Variants in TLK2 observed in about 807,000 individuals in gnomAD.
The protein encoded by TLK2 is tousled like kinase 2.
TLK2 carries 6 observed loss-of-function variants against 117.3 expected under a neutral mutation model. The observed-to-expected ratio is 0.05, with a 90% CI of 0.03 to 0.10. TLK2 has a LOEUF of 0.10. Ranked by LOEUF, TLK2 falls within the 10% of genes least tolerant of loss-of-function variation. The pLI, the probability that TLK2 is intolerant of heterozygous loss-of-function variation, is 1.00. For missense variants in TLK2, 299 were observed against 901.2 expected (o/e 0.33, Z 8.56); for synonymous variants, 257 against 316.7 (o/e 0.81, Z 2.00).
intron 2 of TLK2, among the ~76,000 whole-genome samples, chr17:62,504,528 G>T (rs1262814630): frequency 1.3e-5 from 2 of 152,166 alleles, no homozygotes; most frequent in Non-Finnish European, 2.9e-5. Flanking sequence ...TTTAGGCAGG[G>T]CATGGTGGCT....
chr17:62,535,487 C>A (rs953788403), intron 6 of TLK2, among the ~76,000 whole-genome samples: 2 of 152,040 alleles, frequency 1.3e-5, no homozygotes, highest in Non-Finnish European at 2.9e-5. Context: ...ACGTGACAGG[C>A]CAGGCACGGT....
At chr17:62,612,090 T>G in intron 21 of TLK2, 2 of 207,818 alleles carry the variant, frequency 9.6e-6, no homozygotes. Flanking sequence ...TTTTTTTCTG[T>G]TGGTCTTAGT....
chr17:62,569,755 T>G (rs2080123018), intron 11 of TLK2, among the ~76,000 whole-genome samples: 1 of 152,174 alleles, frequency 6.6e-6, no homozygotes, highest in African/African-American at 2.4e-5. Flanking sequence ...TTACTACTAG[T>G]TACTTCTTGT....
intron 2 of TLK2, among the ~76,000 whole-genome samples, chr17:62,517,191 C>A (rs2075668710): frequency 6.6e-6 from 1 of 152,174 alleles, no homozygotes; most frequent in Non-Finnish European, 1.5e-5. Flanking sequence ...AGGCGTGAGC[C>A]ACCATGCCAG....
At chr17:62,480,574 C>A (rs139355991) in intron 1 of TLK2, among the ~76,000 whole-genome samples, 1 of 152,130 alleles carries the variant, frequency 6.6e-6, no homozygotes, top group Non-Finnish European at 1.5e-5. Context: ...TAAAATAATT[C>A]CTTTTCTCAT....
At chr17:62,561,127 C>T (rs1412230299) in intron 10 of TLK2, among the ~76,000 whole-genome samples, 2 of 152,142 alleles carry the variant, frequency 1.3e-5, no homozygotes, top group South Asian at 4.1e-4. Context: ...TGGTTTCCAG[C>T]TTCATCCATG....
At chr17:62,552,662 C>CT (rs77695614) in intron 8 of TLK2, among the ~76,000 whole-genome samples, 2,943 of 139,194 alleles carry the variant, frequency 0.021, 70 homozygotes, top group African/African-American at 0.057. Context: ...AACTGCACAC[C>CT]TTTTTTTTTT....
At chr17:62,592,076 T>C (rs1235320496) in intron 16 of TLK2, among the ~76,000 whole-genome samples, 1 of 151,892 alleles carries the variant, frequency 6.6e-6, no homozygotes, top group Non-Finnish European at 1.5e-5. Flanking sequence ...TGCCTCAGCC[T>C]CTTGAGTAGC....
At chr17:62,595,396 A>G (rs1303098576) in intron 16 of TLK2, among the ~76,000 whole-genome samples, 1 of 151,410 alleles carries the variant, frequency 6.6e-6, no homozygotes, top group Non-Finnish European at 1.5e-5. Context: ...ATCATTATCA[A>G]GTGTTATATA....
At chr17:62,503,680 A>C (rs538666156) in intron 2 of TLK2, among the ~76,000 whole-genome samples, 1 of 151,668 alleles carries the variant, frequency 6.6e-6, no homozygotes, top group Non-Finnish European at 1.5e-5. Context: ...CAGTCTCCCA[A>C]AGTGCTGGGA....
intron 17 of TLK2, among the ~76,000 whole-genome samples, chr17:62,598,301 T>C (rs928092719): frequency 1.3e-5 from 2 of 152,240 alleles, no homozygotes; most frequent in Non-Finnish European, 2.9e-5. Flanking sequence ...AATATCAGGC[T>C]CAAATTATCT....
intron 9 of TLK2, among the ~76,000 whole-genome samples, chr17:62,557,050 G>T (rs918039098): frequency 6.6e-6 from 1 of 152,160 alleles, no homozygotes; most frequent in Non-Finnish European, 1.5e-5. Context: ...TCAGCCTCCT[G>T]AATAGCTGGG....
chr17:62,587,707 C>A (rs551358806), intron 16 of TLK2, among the ~76,000 whole-genome samples: 93 of 152,238 alleles, frequency 6.1e-4, no homozygotes, highest in Admixed American at 1.6e-3. Flanking sequence ...CAGCTGCAGT[C>A]CAGATGCTCC....
chr17:62,605,147 G>A (rs192864625), intron 19 of TLK2, among the ~76,000 whole-genome samples: 1 of 151,948 alleles, frequency 6.6e-6, no homozygotes, highest in African/African-American at 2.4e-5. Context: ...CTAACACGGT[G>A]AAACCCTATC....
intron 1 of TLK2, among the ~76,000 whole-genome samples, chr17:62,473,679 G>A (rs1056599601): frequency 3.9e-5 from 6 of 152,174 alleles, no homozygotes; most frequent in Non-Finnish European, 7.4e-5. Flanking sequence ...TGAGAATCAC[G>A]TAGAGGTTGG....
At position 62,523,150 on chromosome 17, in the gene TLK2, G is replaced by A. The variant is rs2076152280; in HGVS notation, c.240G>A (p.Arg80=). 1 of 1,600,082 alleles carries A rather than the reference G, an allele frequency of 6.2e-7. No homozygotes were observed. ...YETSQGKGTP[R]GHKISDYFEF... ...CATTTTCAGGGAAAGGCACTCCTAGGGGACATAAAATTAGTGATTACTTTG... is the reference window on the plus strand; with the variant it reads ...CATTTTCAGGGAAAGGCACTCCTAGAGGACATAAAATTAGTGATTACTTTG... Residue 80 remains arginine (R), a synonymous_variant, in exon 5 of 22, where the codon AGG becomes AGA. Coordinates refer to ENST00000346027, the MANE Select transcript of TLK2 (RefSeq NM_006852.6).
chr17:62,490,690 C>T (rs1284760016), intron 2 of TLK2, among the ~76,000 whole-genome samples: 9 of 151,992 alleles, frequency 5.9e-5, no homozygotes, highest in Non-Finnish European at 7.4e-5. Flanking sequence ...TATAGGCACG[C>T]GCCACCGCAC....
chr17:62,478,563 T>A (rs1415022482), upstream of TLK2, among the ~76,000 whole-genome samples: 1 of 149,686 alleles, frequency 6.7e-6, no homozygotes, highest in Non-Finnish European at 1.5e-5. Context: ...GCGCCGCCCG[T>A]CGCCCGCCCT....
intron 7 of TLK2, among the ~76,000 whole-genome samples, chr17:62,541,290 A>G (rs1302569834): frequency 1.3e-5 from 2 of 152,196 alleles, no homozygotes; most frequent in Admixed American, 6.5e-5. Context: ...AAGCTCCATC[A>G]GGTCAAGGAC....
Sources: gnomAD v4.1 joint callset for allele counts (sites outside exome capture counted in the v4.1 genomes callset) on GRCh38, gnomAD v4.1.1 for gene constraint, MANE v1.5 for transcripts, NCBI Gene and HGNC (gene_info 2026-07-23, HGNC 2026-07-21) for gene names.